The following LIPC variants were observed in gnomAD, a reference collection of about 807,000 sequenced individuals.
LIPC encodes the protein hepatic triacylglycerol lipase.
In LIPC, 44 loss-of-function variants were observed where a neutral mutation model predicts 50.7. The ratio of observed to expected loss-of-function variants is 0.87; its 90% CI spans 0.68 to 1.11. The LOEUF (loss-of-function observed/expected upper bound fraction) is 1.11, where lower values mean the gene tolerates loss of function less well. Among genes scored for constraint, LIPC ranks in the 50% most tolerant of loss-of-function variants. LIPC has a pLI of 0.00. For synonymous variants in LIPC, 271 were observed against 256.4 expected (o/e 1.06, Z -0.54); for missense variants, 697 against 648.2 (o/e 1.08, Z -0.82).
chr15:58,483,008 C>T (rs1176292487), intron 1 of LIPC, among the ~76,000 whole-genome samples: 4 of 152,116 alleles, frequency 2.6e-5, no homozygotes, highest in Non-Finnish European at 4.4e-5. Flanking sequence ...CTTCACTCAG[C>T]GAAAGCATAG....
chr15:58,494,973 G>C, intron 1 of LIPC: 1 of 433,464 alleles, frequency 2.3e-6, no homozygotes, highest in Non-Finnish European at 4.6e-6. Context: ...TCATGTCATT[G>C]ATCCAACATC....
chr15:58,500,370 C>G (rs1241988505), intron 1 of LIPC, among the ~76,000 whole-genome samples: 1 of 152,148 alleles, frequency 6.6e-6, no homozygotes, highest in Admixed American at 6.5e-5. Context: ...GTGACTCTAG[C>G]CTCTTCACTG....
chr15:58,529,924 C>G (rs1183501948), intron 1 of LIPC, among the ~76,000 whole-genome samples: 7 of 152,330 alleles, frequency 4.6e-5, no homozygotes, highest in Admixed American at 1.3e-4. Context: ...CATCGCCCAG[C>G]TATTTTCCAA....
intron 1 of LIPC, among the ~76,000 whole-genome samples, chr15:58,433,929 T>G (rs1893203345): frequency 6.6e-6 from 1 of 152,212 alleles, no homozygotes; most frequent in Admixed American, 6.5e-5. Flanking sequence ...TGCATGTGGC[T>G]GGTATGATGT....
chr15:58,536,165 G>A (rs1401203992), intron 1 of LIPC, among the ~76,000 whole-genome samples: 2 of 152,214 alleles, frequency 1.3e-5, no homozygotes, highest in Non-Finnish European at 2.9e-5. Flanking sequence ...TAGATGAGAA[G>A]GCTTCCTGGA....
intron 1 of LIPC, among the ~76,000 whole-genome samples, chr15:58,515,533 C>CACATATATATATATATAT (rs147594972): frequency 7.1e-4 from 101 of 141,706 alleles, no homozygotes; most frequent in Admixed American, 4.0e-3. Flanking sequence ...TATACACACA[C>CACATATATATATATATAT]ATATATATAT....
chr15:58,473,714 AG>A (rs1890888028), intron 1 of LIPC: 1 of 152,242 alleles, frequency 6.6e-6, no homozygotes, highest in Non-Finnish European at 1.5e-5. Flanking sequence ...TTGATGAAGG[AG>A]GAAAGTGAGT....
intron 1 of LIPC, among the ~76,000 whole-genome samples, chr15:58,536,209 G>A (rs560865344): frequency 5.4e-4 from 82 of 152,278 alleles, no homozygotes; most frequent in Non-Finnish European, 4.6e-4. Context: ...TTAATGAATG[G>A]AGCAGCAGAG....
At chr15:58,522,574 G>T in intron 1 of LIPC, 1 of 153,406 alleles carries the variant, frequency 6.5e-6, no homozygotes, top group Non-Finnish European at 1.5e-5. Flanking sequence ...AACTGAACAG[G>T]CCCGACTCCA....
In LIPC at chr15:58,555,245, C is replaced by T. The variant is rs149566194; in HGVS notation, c.1052-5619C>T. On this transcript the variant is annotated intron_variant, in intron 6 of 8. Coordinates refer to ENST00000299022, the MANE Select transcript of LIPC (RefSeq NM_000236.3). ...AAGAAAAAGGGAAGAAAAAGTGTAT[C>T]GCCAAGACAAGGGCATGAAACATTT... Among the ~76,000 whole-genome samples, 646 of 152,280 alleles carry T rather than the reference C, an allele frequency of 4.2e-3. 3 individuals carry two copies. Among genetic ancestry groups the T allele is most frequent in the African/African-American group, 0.014 (596 of 41,552 alleles).
intron 1 of LIPC, among the ~76,000 whole-genome samples, chr15:58,534,490 T>G (rs1595927360): frequency 6.6e-6 from 1 of 152,184 alleles, no homozygotes; most frequent in East Asian, 1.9e-4. Flanking sequence ...TCAATTACAG[T>G]GAAGAATCTC....
intron 1 of LIPC, among the ~76,000 whole-genome samples, chr15:58,484,131 G>A (rs1306639408): frequency 2.7e-5 from 4 of 150,784 alleles, no homozygotes; most frequent in African/African-American, 9.8e-5. Flanking sequence ...TAACACAGGT[G>A]TGGACAGGGT....
chr15:58,494,021 C>T (rs1412075335), intron 1 of LIPC, among the ~76,000 whole-genome samples: 2 of 152,138 alleles, frequency 1.3e-5, no homozygotes, highest in Non-Finnish European at 2.9e-5. Flanking sequence ...AGAGGTAAGA[C>T]TCCACTGAGG....
intron 1 of LIPC, among the ~76,000 whole-genome samples, chr15:58,495,281 C>T (rs1398787754): frequency 6.6e-6 from 1 of 152,362 alleles, no homozygotes; most frequent in South Asian, 2.1e-4. Context: ...CCATTATTCA[C>T]TGAGCACCTC....
At chr15:58,461,848 T>A (rs141782961) in intron 1 of LIPC, among the ~76,000 whole-genome samples, 1,700 of 151,944 alleles carry the variant, frequency 0.011, 37 homozygotes, top group African/African-American at 0.039. Context: ...CCGGTTCCGA[T>A]TCCCTTCAAA....
At chr15:58,558,612 G>A (rs558527500) in intron 6 of LIPC, among the ~76,000 whole-genome samples, 14 of 5,178 alleles carry the variant, frequency 2.7e-3, no homozygotes, top group Admixed American at 0.01. Context: ...TCATAGCAGC[G>A]CAAACCCTAT....
chr15:58,518,804 G>C (rs1303512972), intron 1 of LIPC, among the ~76,000 whole-genome samples: 1 of 152,162 alleles, frequency 6.6e-6, no homozygotes, highest in African/African-American at 2.4e-5. Context: ...AGTTACATCT[G>C]CTGGTGGTGT....
At chr15:58,547,825 A>G (rs1365787655) in intron 5 of LIPC, among the ~76,000 whole-genome samples, 3 of 152,050 alleles carry the variant, frequency 2.0e-5, no homozygotes, top group Admixed American at 2.0e-4. Flanking sequence ...GAGAGGCCTC[A>G]GCGTTCTCCA....
chr15:58,548,644 T>C, intron 6 of LIPC, 72 bp downstream of exon 6: 1 of 1,535,202 alleles, frequency 6.5e-7, no homozygotes, highest in Non-Finnish European at 8.8e-7. Flanking sequence ...AGAAGTCCCC[T>C]TGGCTTCTTT....
Sources: allele counts gnomAD v4.1 joint callset (sites outside exome capture counted in the v4.1 genomes callset), GRCh38; gene constraint gnomAD v4.1.1; transcripts MANE v1.5; gene names NCBI Gene and HGNC (gene_info 2026-07-23, HGNC 2026-07-21).